CHTF18: variants seen among roughly 807,000 people sequenced by gnomAD.
CHTF18 encodes chromosome transmission fidelity factor 18.
Under a neutral mutation model 113.4 loss-of-function variants are expected in CHTF18, and 151 were observed. The observed-to-expected ratio is 1.33, with a 90% CI of 1.17 to 1.52. CHTF18 has a LOEUF of 1.52. Ranked by LOEUF, CHTF18 falls within the 40% of genes most tolerant of loss-of-function variation. The probability of loss-of-function intolerance (pLI) is 0.00; values close to 1 mark genes in which losing one functional copy is unlikely to be tolerated. For missense variants in CHTF18, 1,982 were observed against 1,381.6 expected, an observed-to-expected ratio of 1.43 and a Z score of -6.89; for synonymous variants, 916 against 598.8, an observed-to-expected ratio of 1.53 and a Z score of -7.74.
chr16:795,461 C>A, intron 16 of CHTF18, 105 bp downstream of exon 16: 1 of 401,260 alleles, frequency 2.5e-6, no homozygotes, highest in Non-Finnish European at 4.1e-6. Context: ...AAACACACTG[C>A]CCGTGTGGCT....
intron 3 of CHTF18, 28 bp downstream of exon 3, chr16:789,388 TC>T: frequency 6.4e-7 from 1 of 1,555,548 alleles, no homozygotes; most frequent in Admixed American, 1.9e-5. Context: ...GGGCGTCCCA[TC>T]CCATCTGTCC....
intron 15 of CHTF18, among the ~76,000 whole-genome samples, 193 bp downstream of exon 15, chr16:794,394 G>C (rs949477862): frequency 1.3e-5 from 2 of 152,140 alleles, no homozygotes; most frequent in African/African-American, 4.8e-5. Flanking sequence ...AGGGGCTGCA[G>C]GGCACGGGCC....
rs946698680 is a variant in CHTF18 at position 791,228 on chromosome 16, C to G, written c.962C>G (p.Pro321Arg). ...WDLVVFGHER[P>R]SRKPRPSVEP... ...CTGGTGGTGTTTGGCCACGAGAGGC[C>G]TTCCCGGAAGCCCAGGCCCAGTGTT... is the stretch of plus-strand genomic sequence containing the variant. Residue 321 changes from proline to arginine, a missense_variant, in exon 8 of 22, where the codon CCT becomes CGT. Pro to Arg is a moderately radical substitution (Grantham distance 103, BLOSUM62 -2). Coordinates refer to ENST00000262315, the MANE Select transcript of CHTF18 (RefSeq NM_022092.3). 3 of 1,611,386 alleles carry G rather than the reference C, an allele frequency of 1.9e-6. No homozygotes were observed. The highest frequency in any genetic ancestry group is 1.7e-6 in the Non-Finnish European group (2 of 1,179,480).
intron 4 of CHTF18, 135 bp from the exon 5 acceptor site, chr16:790,042 C>A: frequency 6.5e-7 from 1 of 1,536,046 alleles, no homozygotes; most frequent in Non-Finnish European, 8.7e-7. Flanking sequence ...CTTTGGCACC[C>A]CTGTCCAGTC....
Position 796,181 on chromosome 16 carries a change from C to T in CHTF18, c.2456+104C>T, listed in dbSNP as rs1380718402. The T allele has an allele frequency of 3.3e-5, 48 of 1,434,902 alleles. No homozygotes were observed. In the South Asian group the frequency reaches 3.6e-4, roughly 11 times the overall value. The allele number at this position is 1,434,902 out of a possible 1,614,324, so 88.9% of individuals were successfully genotyped here. On this transcript the variant is annotated intron_variant, in intron 18 of 21. Transcript: ENST00000262315. ...CAGGAGTCTGAAAGCACGGTCATGG[C>T]GTCTGGGGGTGGCGGGCCCCAGCTT...
In CHTF18 at chr16:789,335, G is replaced by A. The variant is rs1415928869; in HGVS notation, c.412G>A (p.Asp138Asn). 1.2e-6 allele frequency: 2 copies of A among 1,600,802 alleles called. No individual in the cohort carries two copies. Among genetic ancestry groups the A allele is most frequent in the African/African-American group, 1.3e-5 (1 of 74,802 alleles). Reference sequence around the variant, plus strand: ...CATCACCCCGCCGCCGAGCCCTGAGGACCTCGCAGAGCTTTGGGGCCACGG... The same window carrying A: ...CATCACCCCGCCGCCGAGCCCTGAGAACCTCGCAGAGCTTTGGGGCCACGG... The part of the protein sequence containing the change: ...TDITPPPSPE[D>N]LAELWGHGVS... The change falls in exon 3 of 22, where the codon GAC becomes AAC. Residue 138 changes from aspartate (D) to asparagine (N), a missense_variant. By Grantham distance (23) the Asp-to-Asn change is conservative. Coordinates refer to ENST00000262315, the MANE Select transcript of CHTF18 (RefSeq NM_022092.3).
rs1162700880 is a variant in CHTF18 at position 792,462 on chromosome 16, C to T, written c.1350C>T (p.Ser450=). 1.3e-6 allele frequency: 2 copies of T among 1,573,722 alleles called. No individual in the cohort carries two copies. The highest frequency in any genetic ancestry group is 2.7e-5 in the African/African-American group (2 of 74,236). ...AGGCCGCCATCAACGTCCTCCTGAGCATCCTGAACCGCAAGGGGCCACAGG... is the reference window on the plus strand; with the variant it reads ...AGGCCGCCATCAACGTCCTCCTGAGTATCCTGAACCGCAAGGGGCCACAGG... The part of the protein sequence containing the change: ...APVAAINVLL[S]ILNRKGPQEV... The change falls in exon 11 of 22, where the codon AGC becomes AGT. Residue 450 remains serine (S), a synonymous_variant. Coordinates refer to ENST00000262315, the MANE Select transcript of CHTF18 (RefSeq NM_022092.3).
At chr16:792,661 T>A in intron 11 of CHTF18, 57 bp from the exon 12 acceptor site, 2 of 1,588,742 alleles carry the variant, frequency 1.3e-6, no homozygotes, top group South Asian at 2.2e-5. Flanking sequence ...GGCCCGTCCC[T>A]GTGTCCTGGG....
Position 790,602 on chromosome 16 carries a change from C to T in CHTF18, c.830C>T (p.Ser277Phe), listed in dbSNP as rs369594253. ...EEEPTDGQDA[S>F]SHCLWVDEFA... ...GAGCCGACTGACGGTCAAGACGCCT[C>T]CAGTCACTGCCTCTGGGTGGATGAG... Residue 277 changes from serine to phenylalanine, a missense_variant, in exon 7 of 22, where the codon TCC (serine) becomes TTC (phenylalanine). Transcript: ENST00000262315. The T allele has an allele frequency of 5.0e-6, 8 of 1,596,376 alleles. No individual in the cohort carries two copies. Among genetic ancestry groups the T allele is most frequent in the Non-Finnish European group, 6.8e-6 (8 of 1,172,934 alleles).
Position 795,949 on chromosome 16 carries a change from G to T in CHTF18, c.2328G>T (p.Val776=). 1 of 1,609,872 alleles carries T rather than the reference G, an allele frequency of 6.2e-7. No homozygotes were observed. The highest frequency in any genetic ancestry group is 1.1e-5 in the South Asian group (1 of 90,420). Residue 776 remains valine (V), a splice_region_variant and synonymous_variant, in exon 18 of 22, where the codon GTG becomes GTT. Transcript: ENST00000262315. ...LDILAPKLRP[V]STQLYSTREK... ...GTCTGCTGCCTCCCATCCCCTAGGT[G>T]AGCACACAGCTGTACAGCACCCGTG...
In CHTF18 at chr16:792,409, G is replaced by A. The variant is rs1334826816; in HGVS notation, c.1327-30G>A. On this transcript the variant is annotated intron_variant, in intron 10 of 21. Transcript: ENST00000262315. ...GCAGGCAGGCGGGCAGCAGGGCCTG[G>A]ACTCACCGTGTCCTCTGACCTCCCC... is the stretch of plus-strand genomic sequence containing the variant. 1.9e-6 allele frequency: 3 copies of A among 1,560,782 alleles called. No individual in the cohort carries two copies. The East Asian group carries it at 7.2e-5, about 38-fold the overall frequency.
At position 791,237 on chromosome 16, in the gene CHTF18, AGCCCAG is replaced by A; in HGVS notation, c.978_983del (p.Arg326_Pro327del). ...TTTGGCCACGAGAGGCCTTCCCGGAAGCCCAGGCCCAGTGTTGAGCCGGCCCGGGTC... is the reference window on the plus strand; with the variant it reads ...TTTGGCCACGAGAGGCCTTCCCGGAAGCCCAGTGTTGAGCCGGCCCGGGTC... On this transcript the variant is annotated inframe_deletion, in exon 8 of 22. Coordinates refer to ENST00000262315, the MANE Select transcript of CHTF18 (RefSeq NM_022092.3). The A allele has an allele frequency of 6.2e-7, 1 of 1,611,244 alleles. No individual in the cohort carries two copies. The highest frequency in any genetic ancestry group is 8.5e-7 in the Non-Finnish European group (1 of 1,179,438).
Position 789,118 on chromosome 16 carries a change from G to C in CHTF18, c.279G>C (p.Leu93=), listed in dbSNP as rs1269675980. Residue 93 remains leucine, a synonymous_variant, in exon 2 of 22, where the codon CTG becomes CTC. Coordinates refer to ENST00000262315, the MANE Select transcript of CHTF18 (RefSeq NM_022092.3). ...VDADLQPAGS[L]PHAPRIKRPR... ...CCGACCTGCAGCCGGCCGGGTCCCT[G>C]CCCCACGGTAGGTTGGCGGCATTGC... 1 of 1,539,194 alleles carries C rather than the reference G, an allele frequency of 6.5e-7. No individual in the cohort carries two copies. Among genetic ancestry groups the C allele is most frequent in the Non-Finnish European group, 8.8e-7 (1 of 1,141,534 alleles).
chr16:795,102 A>C (rs1234504536), intron 15 of CHTF18, 30 bp from the exon 16 acceptor site: 2 of 1,510,278 alleles, frequency 1.3e-6, no homozygotes, highest in Non-Finnish European at 1.8e-6. Flanking sequence ...TGGGGTGGGC[A>C]GGAGCTCAGG....
chr16:793,665 C>T lies in CHTF18; in HGVS notation c.1803-389C>T, dbSNP rs528602231. Reference sequence around the variant, plus strand: ...TTGGCCTCCCGTGGGCAGGAGCAGCCAGCATGTCTCTGTCCTGACGTGCCA... The same window carrying T: ...TTGGCCTCCCGTGGGCAGGAGCAGCTAGCATGTCTCTGTCCTGACGTGCCA... On this transcript the variant is annotated intron_variant, in intron 14 of 21. Transcript: ENST00000262315. 3.7e-4 allele frequency: 205 copies of T among 552,958 alleles called. 3 individuals carry two copies. Among genetic ancestry groups the T allele is most frequent in the South Asian group, 3.5e-3 (195 of 55,846 alleles). The allele number at this position is 552,958 out of a possible 1,614,324, so 34.3% of individuals were successfully genotyped here.
At chr16:795,006 G>A in intron 15 of CHTF18, 126 bp from the exon 16 acceptor site, 2 of 745,610 alleles carry the variant, frequency 2.7e-6, no homozygotes, top group Non-Finnish European at 4.4e-6. Context: ...CTTGTGGAGG[G>A]TCTGCGAAGC....
chr16:795,753 G>GC lies in CHTF18; in HGVS notation c.2245dup (p.Arg749ProfsTer37). ...TGGTGTCCGGCATCGCGCCAGCCAC[G>GC]CGCAGCCGGGCCACGCCCCAGGCCC... On this transcript the variant is annotated frameshift_variant, in exon 17 of 22. Coordinates refer to ENST00000262315, the MANE Select transcript of CHTF18 (RefSeq NM_022092.3). LOFTEE classifies it high-confidence loss of function. The GC allele has an allele frequency of 6.2e-7, 1 of 1,608,210 alleles. No individual in the cohort carries two copies. The highest frequency in any genetic ancestry group is 1.7e-5 in the Admixed American group (1 of 59,600).
rs774904118 is a variant in CHTF18, at chr16:798,071, G to A, written c.*96G>A. ...TTATAAAGTCACACCTTTACAGACT[G>A]TAATCACGTGCGAGTGGAGTGGGGT... On this transcript the variant is annotated 3_prime_UTR_variant, in exon 22 of 22. Transcript: ENST00000262315. 6 of 1,468,836 alleles carry A rather than the reference G, an allele frequency of 4.1e-6. No homozygotes were observed. Among genetic ancestry groups the A allele is most frequent in the Non-Finnish European group, 5.5e-6 (6 of 1,092,136 alleles). 91.0% of individuals were successfully genotyped at this position (1,468,836 alleles called of 1,614,324 possible).
rs770252238 is a variant in CHTF18 at position 790,635 on chromosome 16, C to T, written c.863C>T (p.Pro288Leu). Reference protein sequence around the residue: ...SHCLWVDEFAPRHYTELLSDD... With the variant: ...SHCLWVDEFALRHYTELLSDD... ...TGCCTCTGGGTGGATGAGTTTGCACCCCGCCACTACACGGAGCTGCTCAGT... is the reference window on the plus strand; with the variant it reads ...TGCCTCTGGGTGGATGAGTTTGCACTCCGCCACTACACGGAGCTGCTCAGT... Residue 288 changes from proline (P) to leucine (L), a missense_variant, in exon 7 of 22, where the codon CCC becomes CTC. Coordinates refer to ENST00000262315, the MANE Select transcript of CHTF18 (RefSeq NM_022092.3). 8 of 1,594,880 alleles carry T rather than the reference C, an allele frequency of 5.0e-6. No homozygotes were observed. The Admixed American group carries it at 5.2e-5, about 10-fold the overall frequency.
Sources: allele counts gnomAD v4.1 joint callset (sites outside exome capture counted in the v4.1 genomes callset), GRCh38; gene constraint gnomAD v4.1.1; transcripts MANE v1.5; gene names NCBI Gene and HGNC (gene_info 2026-07-23, HGNC 2026-07-21).